The following ATL3 variants were observed in gnomAD, a reference collection of about 807,000 sequenced individuals.
The protein encoded by ATL3 is atlastin GTPase 3.
ATL3 carries 49 observed loss-of-function variants against 69.5 expected under a neutral mutation model. The ratio of observed to expected loss-of-function variants is 0.71; its 90% CI spans 0.56 to 0.89. The LOEUF (loss-of-function observed/expected upper bound fraction) is 0.89, where lower values mean the gene tolerates loss of function less well. Ranked by LOEUF, ATL3 falls within the 40% of genes least tolerant of loss-of-function variation. The probability of loss-of-function intolerance (pLI) is 0.00; values close to 1 mark genes in which losing one functional copy is unlikely to be tolerated. For synonymous variants in ATL3, 214 were observed against 224.1 expected (o/e 0.95, Z 0.40); for missense variants, 606 against 645.7 (o/e 0.94, Z 0.67).
In ATL3 at chr11:63,659,011, A is replaced by T. The variant is rs1312850711; in HGVS notation, c.261+27T>A. On this transcript the variant is annotated intron_variant, in intron 2 of 12. Coordinates refer to ENST00000398868, the MANE Select transcript of ATL3 (RefSeq NM_015459.5). ...TTTGGACATTAAAGTCTCACTTTTT[A>T]CTTGAAATAAAATAATTCTATCTTA... 5.0e-6 allele frequency: 8 copies of T among 1,609,558 alleles called. 1 individual carries two copies. The highest frequency in any genetic ancestry group is 1.7e-6 in the Non-Finnish European group (2 of 1,176,232).
At chr11:63,668,841 G>C (rs1393847862) in intron 1 of ATL3, among the ~76,000 whole-genome samples, 1 of 123,686 alleles carries the variant, frequency 8.1e-6, no homozygotes, top group Non-Finnish European at 1.6e-5. Context: ...CTGTTGCCTA[G>C]GCTGGAGTGC....
At chr11:63,629,524 G>C (rs1253261325) in intron 12 of ATL3, 119 bp from the exon 13 acceptor site, 2 of 821,224 alleles carry the variant, frequency 2.4e-6, no homozygotes, top group African/African-American at 3.4e-5. Flanking sequence ...GAAAGCAGTT[G>C]AATGAAAATG....
At chr11:63,654,159 T>A (rs1590737807) in intron 3 of ATL3, among the ~76,000 whole-genome samples, 1 of 151,668 alleles carries the variant, frequency 6.6e-6, no homozygotes, top group African/African-American at 2.4e-5. Flanking sequence ...GTTTTTTTTT[T>A]TTTTTTGAGA....
rs1313439314 is a variant in ATL3 at position 63,628,418 on chromosome 11, T to A, written c.*901A>T. Reference sequence around the variant, plus strand: ...TATGGTATATTTAAATATGACATGATTTTTCCACACTATGTGGCAACAGGA... The same window carrying A: ...TATGGTATATTTAAATATGACATGAATTTTCCACACTATGTGGCAACAGGA... On this transcript the variant is annotated 3_prime_UTR_variant, in exon 13 of 13. Coordinates refer to ENST00000398868, the MANE Select transcript of ATL3 (RefSeq NM_015459.5). 1 of 152,178 alleles carries A rather than the reference T, an allele frequency of 6.6e-6. No homozygotes were observed. Among genetic ancestry groups the A allele is most frequent in the Non-Finnish European group, 1.5e-5 (1 of 68,032 alleles). 9.4% of individuals were successfully genotyped at this position (152,178 alleles called of 1,614,324 possible).
upstream of ATL3, chr11:63,671,840 A>G (rs1022277529): frequency 1.9e-5 from 16 of 823,750 alleles, no homozygotes; most frequent in African/African-American, 1.3e-4. Flanking sequence ...CCGGCGCCTA[A>G]CGTGCAGACC....
chr11:63,664,854 C>T (rs1940528128), intron 1 of ATL3, among the ~76,000 whole-genome samples: 1 of 151,958 alleles, frequency 6.6e-6, no homozygotes, highest in African/African-American at 2.4e-5. Flanking sequence ...GATCCACCTG[C>T]CTCAGCCTCC....
chr11:63,630,521 G>A (rs906069787), intron 12 of ATL3, among the ~76,000 whole-genome samples: 1 of 151,794 alleles, frequency 6.6e-6, no homozygotes, highest in Non-Finnish European at 1.5e-5. Context: ...TTTTGGGCTG[G>A]GCACGGTGGC....
chr11:63,648,337 A>C (rs1302495693), intron 5 of ATL3, among the ~76,000 whole-genome samples: 1 of 152,196 alleles, frequency 6.6e-6, no homozygotes, highest in African/African-American at 2.4e-5. Context: ...CCCAAGAATA[A>C]ATATCTGCAA....
At position 63,626,148 on chromosome 11, in the gene ATL3, G is replaced by C. The variant is rs1473427428; in HGVS notation, c.*3171C>G. On this transcript the variant is annotated 3_prime_UTR_variant, in exon 13 of 13. Coordinates refer to ENST00000398868, the MANE Select transcript of ATL3 (RefSeq NM_015459.5). ...TAATCCCAGCACTTTGGGAGGCTGG[G>C]GGGAGTGGATCACCTGAGGTCAGGA... The C allele has an allele frequency of 6.6e-6, 1 of 152,196 alleles. No homozygotes were observed. Among genetic ancestry groups the C allele is most frequent in the Non-Finnish European group, 1.5e-5 (1 of 68,080 alleles). The allele number at this position is 152,196 out of a possible 1,614,324, so 9.4% of individuals were successfully genotyped here. A position where few individuals can be genotyped will look rare whatever the true frequency, so the allele number is the denominator to read the frequency against.
At position 63,629,142 on chromosome 11, in the gene ATL3, T is replaced by C; in HGVS notation, c.*177A>G. On this transcript the variant is annotated 3_prime_UTR_variant, in exon 13 of 13. Transcript: ENST00000398868. ...AATGCTTCCAAGAGAAATGGAAGTG[T>C]GTTTAATAATTTGAAACCACAGGAG... 1.7e-6 allele frequency: 1 copy of C among 580,158 alleles called. No individual in the cohort carries two copies. The allele number at this position is 580,158 out of a possible 1,614,324, so 35.9% of individuals were successfully genotyped here.
chr11:63,664,533 C>T (rs997973619), intron 1 of ATL3, among the ~76,000 whole-genome samples: 2 of 151,594 alleles, frequency 1.3e-5, no homozygotes, highest in Non-Finnish European at 2.9e-5. Flanking sequence ...GAGCGAAACT[C>T]TGTCTTTTAA....
chr11:63,632,823 A>G lies in ATL3; in HGVS notation c.1107+203T>C, dbSNP rs1367738994. 3 of 732,894 alleles carry G rather than the reference A, an allele frequency of 4.1e-6. No individual in the cohort carries two copies. The Admixed American group carries it at 8.4e-5, about 20-fold the overall frequency. The allele number at this position is 732,894 out of a possible 1,614,324, so 45.4% of individuals were successfully genotyped here. A position where few individuals can be genotyped will look rare whatever the true frequency, so the allele number is the denominator to read the frequency against. ...TTACCAATAAACTATTTGCTATTCA[A>G]AACAAAACAAAACAAAACAAGAACA... On this transcript the variant is annotated intron_variant, in intron 11 of 12. Transcript: ENST00000398868.
intron 1 of ATL3, among the ~76,000 whole-genome samples, chr11:63,665,044 G>T (rs1239592409): frequency 6.6e-6 from 1 of 152,184 alleles, no homozygotes; most frequent in East Asian, 1.9e-4. Context: ...GTAATCCAAT[G>T]ATAAGAATGT....
At chr11:63,664,950 G>T (rs1013125713) in intron 1 of ATL3, among the ~76,000 whole-genome samples, 1 of 152,188 alleles carries the variant, frequency 6.6e-6, no homozygotes, top group African/African-American at 2.4e-5. Context: ...CCATAATGTG[G>T]TTGAAGGCTA....
Position 63,629,319 on chromosome 11 carries a change from C to T in ATL3, c.1626G>A (p.Ter542=), listed in dbSNP as rs1939226832. The change falls in exon 13 of 13, where the codon TAG becomes TAA. Residue 542 remains the stop codon, a stop_retained_variant. Coordinates refer to ENST00000398868, the MANE Select transcript of ATL3 (RefSeq NM_015459.5). ...GRPSMDKKAQ[*] is the part of the protein sequence containing the mutation. The stretch of plus-strand genomic sequence containing the variant: ...CTTGTTTGATCTTCACGTTAAGATG[C>T]TATTGAGCTTTTTTATCCATGGATG... The T allele has an allele frequency of 6.2e-7, 1 of 1,613,050 alleles. No individual in the cohort carries two copies. Among genetic ancestry groups the T allele is most frequent in the African/African-American group, 1.3e-5 (1 of 74,880 alleles).
intron 1 of ATL3, among the ~76,000 whole-genome samples, chr11:63,671,054 C>G (rs990018767): frequency 2.0e-5 from 3 of 152,140 alleles, no homozygotes; most frequent in Non-Finnish European, 4.4e-5. Context: ...CGAGCCCTGA[C>G]GGCGGCCGCC....
intron 5 of ATL3, among the ~76,000 whole-genome samples, chr11:63,647,027 C>G (rs1380818155): frequency 6.6e-6 from 1 of 152,178 alleles, no homozygotes; most frequent in African/African-American, 2.4e-5. Flanking sequence ...TTAGGACCTT[C>G]GTACTGGCTC....
intron 8 of ATL3, among the ~76,000 whole-genome samples, chr11:63,639,004 C>CTAAT (rs1939608444): frequency 6.6e-6 from 1 of 152,184 alleles, no homozygotes; most frequent in African/African-American, 2.4e-5. Context: ...CAACCTCAGG[C>CTAAT]TAATGTCTTT....
chr11:63,643,695 G>A (rs1196278207), intron 7 of ATL3, among the ~76,000 whole-genome samples, 200 bp from the exon 8 acceptor site: 1 of 152,114 alleles, frequency 6.6e-6, no homozygotes, highest in African/African-American at 2.4e-5. Flanking sequence ...CTAGCAAACA[G>A]GTGCATAAGA....
Sources: gnomAD v4.1 joint callset for allele counts (sites outside exome capture counted in the v4.1 genomes callset) on GRCh38, gnomAD v4.1.1 for gene constraint, MANE v1.5 for transcripts, NCBI Gene and HGNC (gene_info 2026-07-23, HGNC 2026-07-21) for gene names.